Variants in TRIM45 observed in about 807,000 individuals in gnomAD.
TRIM45 encodes E3 ubiquitin-protein ligase TRIM45.
A neutral mutation model predicts 46.7 loss-of-function variants in TRIM45; 45 were observed. That is an observed-to-expected ratio of 0.96 (90% CI 0.76 to 1.24). The LOEUF (loss-of-function observed/expected upper bound fraction) is 1.24, where lower values mean the gene tolerates loss of function less well. Ranked by LOEUF, TRIM45 falls within the 50% of genes most tolerant of loss-of-function variation. TRIM45 has a pLI of 0.00. For missense variants in TRIM45, 680 were observed against 728.4 expected, an observed-to-expected ratio of 0.93 and a Z score of 0.77; for synonymous variants, 259 against 285.8, an observed-to-expected ratio of 0.91 and a Z score of 0.94.
In TRIM45 at chr1:117,121,477, T is replaced by C; in HGVS notation, c.-276A>G. ...CCCGCAAGTCCTCCCCGGATGCGCT[T>C]CCAGGTCTAGCTCTCCAGCTAGTCC... On this transcript the variant is annotated 5_prime_UTR_variant, in exon 1 of 6. Coordinates refer to ENST00000256649, the MANE Select transcript of TRIM45 (RefSeq NM_025188.4). This position sits in a 1 kb window ranked among gnomAD's most constrained non-coding sequence, Gnocchi z 4.2. The C allele has an allele frequency of 1.9e-6, 1 of 514,526 alleles. No homozygotes were observed. Among genetic ancestry groups the C allele is most frequent in the Non-Finnish European group, 3.4e-6 (1 of 293,430 alleles). 31.9% of individuals were successfully genotyped at this position (514,526 alleles called of 1,614,324 possible).
In TRIM45 at chr1:117,115,860, C is replaced by G. The variant is rs530448802; in HGVS notation, c.1353-171G>C. Among the ~76,000 whole-genome samples the G allele has an allele frequency of 6.6e-6, 1 of 152,226 alleles. No individual in the cohort carries two copies. The highest frequency in any genetic ancestry group is 1.5e-5 in the Non-Finnish European group (1 of 68,046). On this transcript the variant is annotated intron_variant, in intron 3 of 5. Coordinates refer to ENST00000256649, the MANE Select transcript of TRIM45 (RefSeq NM_025188.4). The surrounding 1 kb of genome is among the most constrained non-coding windows in gnomAD (Gnocchi z 4.2). The stretch of plus-strand genomic sequence containing the variant: ...AGTTAATTTTACAACAGAAGGTAAA[C>G]AGCATAAATTCCAATTTAGTCTGAT...
rs1650464165 is a variant in TRIM45 at position 117,117,959 on chromosome 1, G to A, written c.1222+75C>T. ...GGTCAGTAGGGCATGCTTCCTAGCAGAACAAGCCACCAATCTTCACACACC... is the reference window on the plus strand; with the variant it reads ...GGTCAGTAGGGCATGCTTCCTAGCAAAACAAGCCACCAATCTTCACACACC... On this transcript the variant is annotated intron_variant, in intron 2 of 5. Transcript: ENST00000256649. The surrounding 1 kb of genome is among the most constrained non-coding windows in gnomAD (Gnocchi z 4.9). 1 of 1,544,746 alleles carries A rather than the reference G, an allele frequency of 6.5e-7. No homozygotes were observed. The highest frequency in any genetic ancestry group is 8.8e-7 in the Non-Finnish European group (1 of 1,140,978).
Position 117,116,490 on chromosome 1 carries a change from C to G in TRIM45, c.1352+126G>C. The G allele has an allele frequency of 1.5e-6, 2 of 1,312,452 alleles. No homozygotes were observed. Among genetic ancestry groups the G allele is most frequent in the Non-Finnish European group, 2.1e-6 (2 of 956,066 alleles). 81.3% of individuals were successfully genotyped at this position (1,312,452 alleles called of 1,614,324 possible). Reference sequence around the variant, plus strand: ...TTGGGCTTAAGCGATCCTCCTGCCTCCACTTCCCAAAGTGCTGGGATTACA... The same window carrying G: ...TTGGGCTTAAGCGATCCTCCTGCCTGCACTTCCCAAAGTGCTGGGATTACA... On this transcript the variant is annotated intron_variant, in intron 3 of 5. Coordinates refer to ENST00000256649, the MANE Select transcript of TRIM45 (RefSeq NM_025188.4). The surrounding 1 kb of genome is among the most constrained non-coding windows in gnomAD (Gnocchi z 4.6).
rs749595684 is a variant in TRIM45 at position 117,118,368 on chromosome 1, C to T, written c.888G>A (p.Leu296=). The T allele has an allele frequency of 1.9e-6, 3 of 1,614,210 alleles. No individual in the cohort carries two copies. The highest frequency in any genetic ancestry group is 2.5e-6 in the Non-Finnish European group (3 of 1,180,026). Residue 296 remains leucine, a synonymous_variant, in exon 2 of 6, where the codon CTG becomes CTA. Transcript: ENST00000256649. This position sits in a 1 kb window ranked among gnomAD's most constrained non-coding sequence, Gnocchi z 5.7. ...GGGCCCGTATGTCTTCCAGCTGCTT[C>T]AGCAGCTTGTCCCGATGCTCCTCAA... ...KAIEEHRDKL[L]KQLEDIRAQK...
In TRIM45 at chr1:117,118,671, AG is replaced by A; in HGVS notation, c.584del (p.Pro195LeufsTer5). On this transcript the variant is annotated frameshift_variant, in exon 2 of 6. Coordinates refer to ENST00000256649, the MANE Select transcript of TRIM45 (RefSeq NM_025188.4). LOFTEE classifies it high-confidence loss of function. The surrounding 1 kb of genome is among the most constrained non-coding windows in gnomAD (Gnocchi z 5.7). ...CACAGAACAGCCTCAGTTCCTCTGC[AG>A]GGTGAACAGGACACAGGATGGGCTT... ...IGKPILCPVH[P>X]AEELRLFCEF... 3.1e-6 allele frequency: 5 copies of A among 1,613,972 alleles called. No individual in the cohort carries two copies. Among genetic ancestry groups the A allele is most frequent in the Non-Finnish European group, 4.2e-6 (5 of 1,180,040 alleles).
At chr1:117,119,490 C>T (rs1226971719) in intron 1 of TRIM45, among the ~76,000 whole-genome samples, 3 of 152,032 alleles carry the variant, frequency 2.0e-5, no homozygotes, top group Admixed American at 2.0e-4. Flanking sequence ...GCCTGTAATC[C>T]CAGCTACTGG....
rs1006607220 is a variant in TRIM45, at chr1:117,117,023, G to A, written c.1223-278C>T. Among the ~76,000 whole-genome samples, 6 of 152,026 alleles carry A rather than the reference G, an allele frequency of 3.9e-5. No homozygotes were observed. The highest frequency in any genetic ancestry group is 1.2e-4 in the African/African-American group (5 of 41,442). On this transcript the variant is annotated intron_variant, in intron 2 of 5. Coordinates refer to ENST00000256649, the MANE Select transcript of TRIM45 (RefSeq NM_025188.4). The surrounding 1 kb of genome is among the most constrained non-coding windows in gnomAD (Gnocchi z 4.9). ...GGTCCTATGCTTTAAAAATACTCAC[G>A]ACTGACCGAGGTATTTAAAGAAAAC...
Position 117,118,381 on chromosome 1 carries a change from C to T in TRIM45, c.875G>A (p.Arg292Gln), listed in dbSNP as rs142291178. 1.5e-3 allele frequency: 2,423 copies of T among 1,614,198 alleles called. 3 individuals are homozygous for T. Among genetic ancestry groups the T allele is most frequent in the Non-Finnish European group, 1.8e-3 (2,178 of 1,180,038 alleles). The part of the protein sequence containing the change: ...EGYIKAIEEH[R>Q]DKLLKQLEDI... ...TTCCAGCTGCTTCAGCAGCTTGTCC[C>T]GATGCTCCTCAATGGCCTTAATGTA... The change falls in exon 2 of 6, where the codon CGG (arginine) becomes CAG (glutamine). Residue 292 changes from arginine (R) to glutamine (Q), a missense_variant. Arg to Gln is a conservative substitution (Grantham distance 43, BLOSUM62 1). Transcript: ENST00000256649. This position sits in a 1 kb window ranked among gnomAD's most constrained non-coding sequence, Gnocchi z 5.7.
chr1:117,114,190 T>C (rs1213313191), intron 4 of TRIM45, among the ~76,000 whole-genome samples: 3 of 152,236 alleles, frequency 2.0e-5, no homozygotes, highest in Admixed American at 6.5e-5. Flanking sequence ...TAAAGACATA[T>C]GGAAGGGAGA....
chr1:117,113,458 TCCTC>T lies in TRIM45; in HGVS notation c.1491_1494del (p.Arg498GlufsTer37). 6.2e-7 allele frequency: 1 copy of T among 1,612,886 alleles called. No homozygotes were observed. Among genetic ancestry groups the T allele is most frequent in the South Asian group, 1.1e-5 (1 of 91,018 alleles). ...ACGCCTGAGTGTGGGCGGTGCTTTC[TCCTC>T]ACCATCACAGTGAATGGCGAGCCCT... On this transcript the variant is annotated frameshift_variant, in exon 5 of 6. Coordinates refer to ENST00000256649, the MANE Select transcript of TRIM45 (RefSeq NM_025188.4). LOFTEE classifies it high-confidence loss of function. This position sits in a 1 kb window ranked among gnomAD's most constrained non-coding sequence, Gnocchi z 4.0.
rs749540671 is a variant in TRIM45, at chr1:117,118,264, G to A, written c.992C>T (p.Thr331Ile). The A allele has an allele frequency of 7.4e-6, 12 of 1,614,046 alleles. No homozygotes were observed. Among genetic ancestry groups the A allele is most frequent in the Non-Finnish European group, 1.7e-6 (2 of 1,180,046 alleles). The change falls in exon 2 of 6, where the codon ACC becomes ATC. Residue 331 changes from threonine to isoleucine, a missense_variant. This residue lies in a region of TRIM45 where 322 missense variants were observed against 359.3 expected (regional missense o/e 0.90). Transcript: ENST00000256649. The surrounding 1 kb of genome is among the most constrained non-coding windows in gnomAD (Gnocchi z 5.7). ...LADMRTGVEF[T>I]EHLLTSGSDL... ...TGAGCCGCTGGTCAGCAAGTGCTCG[G>A]TGAACTCCACTCCAGTCCGCATGTC...
rs925396260 is a variant in TRIM45 at position 117,113,178 on chromosome 1, A to G, written c.1594+181T>C. On this transcript the variant is annotated intron_variant, in intron 5 of 5. Transcript: ENST00000256649. This position sits in a 1 kb window ranked among gnomAD's most constrained non-coding sequence, Gnocchi z 4.0. Reference sequence around the variant, plus strand: ...GAGAGCTTTTAAGTCTGCTATTTCAATTCAGAACAAGGAAGCTTTAAGTGA... The same window carrying G: ...GAGAGCTTTTAAGTCTGCTATTTCAGTTCAGAACAAGGAAGCTTTAAGTGA... Among the ~76,000 whole-genome samples the G allele has an allele frequency of 6.6e-6, 1 of 152,270 alleles. No individual in the cohort carries two copies. Among genetic ancestry groups the G allele is most frequent in the African/African-American group, 2.4e-5 (1 of 41,480 alleles).
At chr1:117,119,887 G>C (rs1221972020) in intron 1 of TRIM45, among the ~76,000 whole-genome samples, 1 of 152,208 alleles carries the variant, frequency 6.6e-6, no homozygotes, top group Non-Finnish European at 1.5e-5. Context: ...GTTAAAAATA[G>C]AGTGAAGTCT....
rs199614831 is a variant in TRIM45 at position 117,118,696 on chromosome 1, T to C, written c.560A>G (p.Lys187Arg). The C allele has an allele frequency of 1.4e-4, 221 of 1,613,700 alleles. No homozygotes were observed. Among genetic ancestry groups the C allele is most frequent in the South Asian group, 4.9e-4 (45 of 91,092 alleles). The change falls in exon 2 of 6, where the codon AAG (lysine) becomes AGG (arginine). Residue 187 changes from lysine to arginine, a missense_variant. Physicochemically the swap from Lys to Arg is conservative, Grantham distance 26. This residue lies in a region of TRIM45 where 349 missense variants were observed against 343.6 expected (regional missense o/e 1.02). Transcript: ENST00000256649. This position sits in a 1 kb window ranked among gnomAD's most constrained non-coding sequence, Gnocchi z 5.7. Reference protein sequence around the residue: ...KDLKGYSRIGKPILCPVHPAE... With the variant: ...KDLKGYSRIGRPILCPVHPAE... ...AGGGTGAACAGGACACAGGATGGGC[T>C]TCCCAATCCGGCTGTAGCCTTTCAA...
Position 117,114,917 on chromosome 1 carries a change from C to G in TRIM45, c.1467+658G>C, listed in dbSNP as rs183287105. 2.6e-5 allele frequency among the ~76,000 whole-genome samples: 4 copies of G among 152,262 alleles called. No homozygotes were observed. The East Asian group carries it at 7.7e-4, about 29-fold the overall frequency. ...GATTTCTGTGGAGGGAAACCTCTGA[C>G]TACTCCAATGTCAGCAGAGAGATTC... On this transcript the variant is annotated intron_variant, in intron 4 of 5. Coordinates refer to ENST00000256649, the MANE Select transcript of TRIM45 (RefSeq NM_025188.4).
Position 117,117,891 on chromosome 1 carries a change from C to T in TRIM45, c.1222+143G>A. 1 of 1,077,122 alleles carries T rather than the reference C, an allele frequency of 9.3e-7. No homozygotes were observed. The highest frequency in any genetic ancestry group is 1.3e-6 in the Non-Finnish European group (1 of 747,170). 66.7% of individuals were successfully genotyped at this position (1,077,122 alleles called of 1,614,324 possible). The stretch of plus-strand genomic sequence containing the variant: ...AACCAGAAAGGGCAAAGGTGGGGGT[C>T]ACTGTCTTTCAGATCAGTTTATCTC... On this transcript the variant is annotated intron_variant, in intron 2 of 5. Transcript: ENST00000256649. The surrounding 1 kb of genome is among the most constrained non-coding windows in gnomAD (Gnocchi z 4.9).
chr1:117,118,265 T>G lies in TRIM45; in HGVS notation c.991A>C (p.Thr331Pro), dbSNP rs768816132. Residue 331 changes from threonine (T) to proline (P), a missense_variant, in exon 2 of 6, where the codon ACC (threonine) becomes CCC (proline). Around this residue, in one of 3 missense-constraint regions of TRIM45, gnomAD observed 322 missense variants for 359.3 expected, o/e 0.90. Coordinates refer to ENST00000256649, the MANE Select transcript of TRIM45 (RefSeq NM_025188.4). This position sits in a 1 kb window ranked among gnomAD's most constrained non-coding sequence, Gnocchi z 5.7. ...GAGCCGCTGGTCAGCAAGTGCTCGG[T>G]GAACTCCACTCCAGTCCGCATGTCT... is the stretch of plus-strand genomic sequence containing the variant. ...LADMRTGVEF[T>P]EHLLTSGSDL... The G allele has an allele frequency of 6.2e-7, 1 of 1,614,172 alleles. No individual in the cohort carries two copies. The highest frequency in any genetic ancestry group is 8.5e-7 in the Non-Finnish European group (1 of 1,180,028).
chr1:117,120,765 C>T lies in TRIM45; in HGVS notation c.437G>A (p.Arg146Lys). The change falls in exon 1 of 6, where the codon AGG becomes AAG. Residue 146 changes from arginine (R) to lysine (K), a missense_variant. Transcript: ENST00000256649. ...GAGGTTGGCTTTGCAGGTCTGACAC[C>T]TCTTCTCTACTTCCCTGTCGTTGCA... The part of the protein sequence containing the change: ...DLCNDREVEK[R>K]CQTCKANLCH... The T allele has an allele frequency of 6.2e-7, 1 of 1,613,874 alleles. No individual in the cohort carries two copies. Among genetic ancestry groups the T allele is most frequent in the South Asian group, 1.1e-5 (1 of 91,046 alleles).
At position 117,121,326 on chromosome 1, in the gene TRIM45, C is replaced by T; in HGVS notation, c.-125G>A. ...TGAACAGAGACCATGGGGACTCCCT[C>T]GCTGACAAATAAAAGGGCAGACGGG... On this transcript the variant is annotated 5_prime_UTR_variant, in exon 1 of 6. Transcript: ENST00000256649. The surrounding 1 kb of genome is among the most constrained non-coding windows in gnomAD (Gnocchi z 4.2). 9 of 1,212,840 alleles carry T rather than the reference C, an allele frequency of 7.4e-6. No homozygotes were observed. The South Asian group carries it at 1.5e-4, about 20-fold the overall frequency. The allele number at this position is 1,212,840 out of a possible 1,614,324, so 75.1% of individuals were successfully genotyped here. A position where few individuals can be genotyped will look rare whatever the true frequency, so the allele number is the denominator to read the frequency against.
Sources: gnomAD v4.1 joint callset for allele counts (sites outside exome capture counted in the v4.1 genomes callset) on GRCh38, gnomAD v4.1.1 for gene constraint, gnomAD v4.1.1 regional missense constraint, Gnocchi (gnomAD v3.1) non-coding constraint, MANE v1.5 for transcripts, NCBI Gene and HGNC (gene_info 2026-07-23, HGNC 2026-07-21) for gene names.